DYM: variants seen among roughly 807,000 people sequenced by gnomAD.
DYM encodes dyggve-Melchior-Clausen syndrome protein.
DYM carries 78 observed loss-of-function variants against 93.1 expected under a neutral mutation model. The observed-to-expected ratio is 0.84, with a 90% CI of 0.70 to 1.01. The LOEUF is 1.01. Ranked by LOEUF, DYM falls within the 50% of genes least tolerant of loss-of-function variation. The pLI, the probability that DYM is intolerant of heterozygous loss-of-function variation, is 0.00. For synonymous variants in DYM, 321 were observed against 319.7 expected, an observed-to-expected ratio of 1.00 and a Z score of -0.04; for missense variants, 789 against 845.0, an observed-to-expected ratio of 0.93 and a Z score of 0.82.
At chr18:49,325,109 T>C (rs1005553123) in intron 8 of DYM, among the ~76,000 whole-genome samples, 38 of 152,108 alleles carry the variant, frequency 2.5e-4, no homozygotes, top group African/African-American at 8.7e-4. Flanking sequence ...TTGGGGGGAT[T>C]TGAACCCCTA....
At position 49,403,520 on chromosome 18, in the gene DYM, T is replaced by G. The variant is rs148889070; in HGVS notation, c.141-11875A>C. Among the ~76,000 whole-genome samples the G allele has an allele frequency of 2.6e-5, 4 of 152,354 alleles. No individual in the cohort carries two copies. In the East Asian group the frequency reaches 7.7e-4, roughly 29 times the overall value. ...AGTATTTCTATTATAGATGAGATAT[T>G]CACACTGATAAAGAAAATACTAAGT... On this transcript the variant is annotated intron_variant, in intron 2 of 17. Coordinates refer to ENST00000675505, the MANE Select transcript of DYM (RefSeq NM_001353214.3).
At chr18:49,333,928 A>C in intron 6 of DYM, 75 bp from the exon 7 acceptor site, 1 of 1,424,080 alleles carries the variant, frequency 7.0e-7, no homozygotes, top group Non-Finnish European at 9.7e-7. Context: ...TGAACTATAC[A>C]TTTAAAAACT....
At chr18:49,442,063 T>C (rs756588092) in intron 1 of DYM, among the ~76,000 whole-genome samples, 1 of 152,094 alleles carries the variant, frequency 6.6e-6, no homozygotes, top group Non-Finnish European at 1.5e-5. Flanking sequence ...AGGGAAAAGA[T>C]ACAGAAATTT....
chr18:49,121,370 A>C (rs1472309963), intron 15 of DYM, among the ~76,000 whole-genome samples: 1 of 152,212 alleles, frequency 6.6e-6, no homozygotes, highest in East Asian at 1.9e-4. Flanking sequence ...AAAAAGAGTA[A>C]GAAAACAAGA....
chr18:49,304,809 C>T (rs1303450300), intron 8 of DYM, among the ~76,000 whole-genome samples: 2 of 152,168 alleles, frequency 1.3e-5, no homozygotes, highest in African/African-American at 2.4e-5. Flanking sequence ...CACACTACTC[C>T]CGTGCTCATT....
intron 15 of DYM, among the ~76,000 whole-genome samples, chr18:49,154,161 G>T (rs2086127817): frequency 6.6e-6 from 1 of 152,064 alleles, no homozygotes; most frequent in Non-Finnish European, 1.5e-5. Flanking sequence ...TAGAAGTGTT[G>T]AGGTCATGAA....
chr18:49,234,602 T>G (rs12604570), intron 13 of DYM, among the ~76,000 whole-genome samples: 11,802 of 151,824 alleles, frequency 0.078, 742 homozygotes, highest in East Asian at 0.31. Flanking sequence ...CTGAAAAGAG[T>G]GTGAGTCTCC....
intron 1 of DYM, among the ~76,000 whole-genome samples, chr18:49,441,133 TA>T (rs1175619360): frequency 2.0e-4 from 1 of 4,932 alleles, no homozygotes; most frequent in African/African-American, 3.9e-4. Flanking sequence ...TATATTTATA[TA>T]AATATATTAT....
intron 1 of DYM, among the ~76,000 whole-genome samples, chr18:49,440,503 CTATATAT>C (rs2081268990): frequency 1.5e-5 from 1 of 65,914 alleles, no homozygotes; most frequent in Non-Finnish European, 2.6e-5. Flanking sequence ...TAATATATGA[CTATATAT>C]TATATATTTA....
chr18:49,379,569 AT>A, intron 4 of DYM, 95 bp downstream of exon 4: 1 of 1,099,802 alleles, frequency 9.1e-7, no homozygotes, highest in Non-Finnish European at 1.4e-6. Context: ...CTTCACAGAG[AT>A]TTTCAAAAGA....
In DYM at chr18:49,308,312, A is replaced by G. The variant is rs1412835372; in HGVS notation, c.764-21696T>C. Among the ~76,000 whole-genome samples, 3 of 152,098 alleles carry G rather than the reference A, an allele frequency of 2.0e-5. No individual in the cohort carries two copies. The South Asian group carries it at 6.2e-4, about 32-fold the overall frequency. Reference sequence around the variant, plus strand: ...TGTGTATATATATATATATATATGTATATCTTACACATTCAAGTCCTGCTG... The same window carrying G: ...TGTGTATATATATATATATATATGTGTATCTTACACATTCAAGTCCTGCTG... On this transcript the variant is annotated intron_variant, in intron 8 of 17. Coordinates refer to ENST00000675505, the MANE Select transcript of DYM (RefSeq NM_001353214.3).
intron 17 of DYM, among the ~76,000 whole-genome samples, chr18:49,084,471 T>C (rs1361556353): frequency 6.6e-6 from 1 of 152,196 alleles, no homozygotes; most frequent in Non-Finnish European, 1.5e-5. Context: ...AGTTAGATCA[T>C]GTTGGTTGAT....
intron 8 of DYM, among the ~76,000 whole-genome samples, chr18:49,326,073 C>A (rs1164992481): frequency 1.3e-5 from 2 of 152,198 alleles, no homozygotes; most frequent in African/African-American, 4.8e-5. Context: ...AGAATAATTA[C>A]TGAAGGTGCG....
chr18:49,255,934 A>T (rs1051375386), intron 13 of DYM, among the ~76,000 whole-genome samples: 10 of 151,350 alleles, frequency 6.6e-5, no homozygotes, highest in Non-Finnish European at 1.3e-4. Context: ...ACAAAAAAAA[A>T]TTAGCCGGGT....
intron 15 of DYM, among the ~76,000 whole-genome samples, chr18:49,151,373 A>G (rs1046581302): frequency 7.9e-5 from 12 of 152,240 alleles, no homozygotes; most frequent in African/African-American, 2.9e-4. Context: ...AAATTAAATC[A>G]ACCAAGGAAA....
chr18:49,162,956 G>A (rs1279715536), intron 15 of DYM, among the ~76,000 whole-genome samples: 2 of 152,162 alleles, frequency 1.3e-5, no homozygotes, highest in African/African-American at 4.8e-5. Flanking sequence ...GACCAGAAAC[G>A]AAATGACCCC....
intron 5 of DYM, among the ~76,000 whole-genome samples, chr18:49,363,636 T>C (rs959692836): frequency 6.6e-6 from 1 of 152,124 alleles, no homozygotes; most frequent in Non-Finnish European, 1.5e-5. Context: ...TATCCCTCCC[T>C]CCCCAACAAA....
intron 16 of DYM, chr18:49,114,506 AC>A (rs1196596146): frequency 2.1e-6 from 2 of 962,838 alleles, no homozygotes; most frequent in East Asian, 2.3e-4. Context: ...CTGTGTACTT[AC>A]AGTGAGGTCC....
chr18:49,306,651 A>G (rs1450853386), intron 8 of DYM, among the ~76,000 whole-genome samples: 1 of 152,240 alleles, frequency 6.6e-6, no homozygotes, highest in Non-Finnish European at 1.5e-5. Flanking sequence ...TATTTATAAG[A>G]TAAACTATGA....
Sources: gnomAD v4.1 joint callset for allele counts (sites outside exome capture counted in the v4.1 genomes callset) on GRCh38, gnomAD v4.1.1 for gene constraint, MANE v1.5 for transcripts, NCBI Gene and HGNC (gene_info 2026-07-23, HGNC 2026-07-21) for gene names.